Variants in CERS3 observed in about 807,000 individuals in gnomAD.
CERS3 encodes the protein LAG1 homolog, ceramide synthase 3.
Under a neutral mutation model 50.3 loss-of-function variants are expected in CERS3, and 33 were observed. The observed-to-expected ratio is 0.66, with a 90% CI of 0.50 to 0.88. The LOEUF (loss-of-function observed/expected upper bound fraction) is 0.88, where lower values mean the gene tolerates loss of function less well. Ranked by LOEUF, CERS3 falls within the 40% of genes least tolerant of loss-of-function variation. CERS3 has a pLI of 0.00. For missense variants in CERS3, 470 were observed against 460.3 expected (o/e 1.02, Z -0.19); for synonymous variants, 176 against 155.2 (o/e 1.13, Z -0.99).
intron 11 of CERS3, among the ~76,000 whole-genome samples, chr15:100,403,899 G>C (rs1477707597): frequency 1.3e-5 from 2 of 152,164 alleles, no homozygotes; most frequent in African/African-American, 4.8e-5. Flanking sequence ...TATGAGGCCA[G>C]AATTACCCTG....
At chr15:100,505,900 A>G (rs1005914007) in intron 2 of CERS3, among the ~76,000 whole-genome samples, 7 of 152,308 alleles carry the variant, frequency 4.6e-5, no homozygotes, top group African/African-American at 1.7e-4. Flanking sequence ...CTGTAATCTC[A>G]GTTACTCAGG....
chr15:100,421,743 T>C (rs903773178), intron 11 of CERS3, among the ~76,000 whole-genome samples: 8 of 144,002 alleles, frequency 5.6e-5, no homozygotes, highest in African/African-American at 1.8e-4. Context: ...GAGATATAGA[T>C]CAATGTAACA....
chr15:100,533,824 C>A (rs541532835), upstream of CERS3, among the ~76,000 whole-genome samples: 32 of 152,322 alleles, frequency 2.1e-4, no homozygotes, highest in African/African-American at 7.7e-4. Flanking sequence ...TCCCAAAGTG[C>A]TGAGATTACA....
intron 11 of CERS3, among the ~76,000 whole-genome samples, chr15:100,428,359 G>A (rs138518588): frequency 6.6e-6 from 1 of 152,232 alleles, no homozygotes; most frequent in African/African-American, 2.4e-5. Context: ...GACACTGGCA[G>A]TGGGAAAGCA....
chr15:100,462,047 C>T (rs771850844), intron 10 of CERS3, among the ~76,000 whole-genome samples: 97 of 152,308 alleles, frequency 6.4e-4, no homozygotes, highest in Non-Finnish European at 1.1e-3. Flanking sequence ...TACATGTGTG[C>T]AGGCACATGC....
intron 5 of CERS3, among the ~76,000 whole-genome samples, chr15:100,481,170 A>C (rs2035287679): frequency 6.6e-6 from 1 of 152,142 alleles, no homozygotes; most frequent in African/African-American, 2.4e-5. Flanking sequence ...GAATCAGAAA[A>C]ATGAAGCCAT....
intron 4 of CERS3, among the ~76,000 whole-genome samples, chr15:100,486,272 G>A (rs1013754363): frequency 1.3e-5 from 2 of 152,196 alleles, no homozygotes; most frequent in South Asian, 4.1e-4. Flanking sequence ...TTCCCTTGCA[G>A]GAAGGAAAGA....
rs553429058 is a variant in CERS3, at chr15:100,417,328, C to T, written c.1000-14463G>A. 3.3e-5 allele frequency among the ~76,000 whole-genome samples: 5 copies of T among 152,176 alleles called. No individual in the cohort carries two copies. The South Asian group carries it at 1.0e-3, about 32-fold the overall frequency. On this transcript the variant is annotated intron_variant, in intron 11 of 11. Coordinates refer to ENST00000679737, the MANE Select transcript of CERS3 (RefSeq NM_001378789.1). Reference sequence around the variant, plus strand: ...GTCAAAGAAAGGGGTGACGGACGCACCTGGAAAATCGGGTCACTCCCACCC... The same window carrying T: ...GTCAAAGAAAGGGGTGACGGACGCATCTGGAAAATCGGGTCACTCCCACCC...
At chr15:100,537,434 TG>T (rs1412413566) in intron 1 of CERS3, among the ~76,000 whole-genome samples, 3 of 152,336 alleles carry the variant, frequency 2.0e-5, no homozygotes, top group African/African-American at 7.2e-5. Context: ...TGCTTGAGAC[TG>T]GGTAATTTAT....
intron 2 of CERS3, among the ~76,000 whole-genome samples, chr15:100,516,943 C>T (rs185088112): frequency 2.7e-4 from 41 of 152,300 alleles, no homozygotes; most frequent in East Asian, 1.2e-3. Context: ...CAGGACCTAG[C>T]GACCTGCTAA....
chr15:100,543,041 G>A (rs1428905162), intron 1 of CERS3, among the ~76,000 whole-genome samples: 2 of 152,034 alleles, frequency 1.3e-5, no homozygotes, highest in Non-Finnish European at 2.9e-5. Flanking sequence ...AGCCTCCTGA[G>A]TAGCTGGGAT....
intron 4 of CERS3, among the ~76,000 whole-genome samples, chr15:100,485,725 G>A (rs997225275): frequency 1.1e-4 from 16 of 152,078 alleles, no homozygotes; most frequent in Non-Finnish European, 1.3e-4. Flanking sequence ...TTAGCTGGGC[G>A]TGGTGGTGGG....
chr15:100,423,330 A>G (rs537170661), intron 11 of CERS3, among the ~76,000 whole-genome samples: 1 of 152,304 alleles, frequency 6.6e-6, no homozygotes, highest in South Asian at 2.1e-4. Flanking sequence ...TATGTTCATC[A>G]TAGCACTATT....
At chr15:100,423,895 A>G (rs751192027) in intron 11 of CERS3, among the ~76,000 whole-genome samples, 1 of 151,644 alleles carries the variant, frequency 6.6e-6, no homozygotes, top group Non-Finnish European at 1.5e-5. Flanking sequence ...CCATGAGTTA[A>G]TTAAATTTTT....
At position 100,453,393 on chromosome 15, in the gene CERS3, T is replaced by C. The variant is rs79836474; in HGVS notation, c.999+2500A>G. 4.1e-3 allele frequency among the ~76,000 whole-genome samples: 618 copies of C among 152,244 alleles called. 16 individuals are homozygous for C. In the East Asian group the frequency reaches 0.079, roughly 20 times the overall value. ...TACATTACATCGACAGAATGTAGAA[T>C]AAAATCTATATGATCATCTCAATAG... is the stretch of plus-strand genomic sequence containing the variant. On this transcript the variant is annotated intron_variant, in intron 11 of 11. Coordinates refer to ENST00000679737, the MANE Select transcript of CERS3 (RefSeq NM_001378789.1).
chr15:100,479,593 A>T (rs950887624), intron 6 of CERS3, 115 bp from the exon 7 acceptor site: 5 of 714,256 alleles, frequency 7.0e-6, no homozygotes, highest in Non-Finnish European at 1.2e-5. Context: ...GCAGGCAAAG[A>T]TGCACAGGAA....
At position 100,402,851 on chromosome 15, in the gene CERS3, C is replaced by A. The variant is rs1262841514; in HGVS notation, c.1014G>T (p.Val338=). 2 of 1,602,968 alleles carry A rather than the reference C, an allele frequency of 1.2e-6. No individual in the cohort carries two copies. Among genetic ancestry groups the A allele is most frequent in the Non-Finnish European group, 1.7e-6 (2 of 1,173,742 alleles). ...CTTCATAATCCTCGTCATCACTCCT[C>A]ACATCCTGGATGCTCTAGACAAAGG... The part of the protein sequence containing the change: ...RCIFMKSIQD[V]RSDDEDYEEE... The change falls in exon 12 of 12, where the codon GTG becomes GTT. Residue 338 remains valine, a synonymous_variant. Transcript: ENST00000679737.
intron 11 of CERS3, among the ~76,000 whole-genome samples, chr15:100,443,468 A>G (rs1467930027): frequency 2.7e-5 from 4 of 148,780 alleles, no homozygotes; most frequent in South Asian, 4.4e-4. Context: ...TATCCACCCC[A>G]TGGTGTCAAA....
intron 11 of CERS3, among the ~76,000 whole-genome samples, chr15:100,453,832 T>A (rs760159349): frequency 6.6e-6 from 1 of 152,060 alleles, no homozygotes; most frequent in South Asian, 2.1e-4. Flanking sequence ...TAAAAAATAG[T>A]GTCTATATAT....
Sources: gnomAD v4.1 joint callset for allele counts (sites outside exome capture counted in the v4.1 genomes callset) on GRCh38, gnomAD v4.1.1 for gene constraint, MANE v1.5 for transcripts, NCBI Gene and HGNC (gene_info 2026-07-23, HGNC 2026-07-21) for gene names.